The following SRPK2 variants were observed in gnomAD, a reference collection of about 807,000 sequenced individuals.
SRPK2 encodes SRSF protein kinase 2.
Under a neutral mutation model 90.8 loss-of-function variants are expected in SRPK2, and 21 were observed. The ratio of observed to expected loss-of-function variants is 0.23; its 90% confidence interval spans 0.16 to 0.33. The LOEUF (loss-of-function observed/expected upper bound fraction) is 0.33. Ranked by LOEUF, SRPK2 falls within the 10% of genes least tolerant of loss-of-function variation. The pLI is 1.00. For synonymous variants in SRPK2, 288 were observed against 311.1 expected (o/e 0.93, Z 0.78); for missense variants, 620 against 869.0 (o/e 0.71, Z 3.60).
chr7:105,203,052 G>A (rs1180070200), intron 3 of SRPK2, among the ~76,000 whole-genome samples: 3 of 152,200 alleles, frequency 2.0e-5, no homozygotes, highest in Non-Finnish European at 2.9e-5. Flanking sequence ...GCAGTAGCAC[G>A]ATCTCAGCTC....
chr7:105,114,757 C>A (rs1562941466), downstream of SRPK2, among the ~76,000 whole-genome samples: 1 of 152,086 alleles, frequency 6.6e-6, no homozygotes, highest in Non-Finnish European at 1.5e-5. Flanking sequence ...ACACTTTGAA[C>A]CTCTATTTAT....
At chr7:105,236,072 A>T (rs1362602980) in intron 2 of SRPK2, among the ~76,000 whole-genome samples, 1 of 152,226 alleles carries the variant, frequency 6.6e-6, no homozygotes, top group African/African-American at 2.4e-5. Context: ...TTGTTACAGT[A>T]CAGTTGCTGG....
chr7:105,250,013 A>C (rs1802261633), intron 2 of SRPK2, among the ~76,000 whole-genome samples: 2 of 152,174 alleles, frequency 1.3e-5, no homozygotes, highest in African/African-American at 2.4e-5. Flanking sequence ...CACTGAGCTA[A>C]GCGTTATTCT....
At chr7:105,365,606 T>C (rs1284157549) in intron 2 of SRPK2, among the ~76,000 whole-genome samples, 1 of 150,570 alleles carries the variant, frequency 6.6e-6, no homozygotes, top group Non-Finnish European at 1.5e-5. Context: ...AAGACGAGCC[T>C]GGGCAACACA....
chr7:105,159,448 C>CAAAAAAAAAAAAA (rs765544583), intron 7 of SRPK2, among the ~76,000 whole-genome samples: 640 of 33,116 alleles, frequency 0.019, 157 homozygotes, highest in Middle Eastern at 0.08. Flanking sequence ...ACTCCGTCTC[C>CAAAAAAAAAAAAA]AAAAAAAAAA....
intron 2 of SRPK2, among the ~76,000 whole-genome samples, chr7:105,294,201 A>T (rs1216536185): frequency 6.6e-6 from 1 of 152,246 alleles, no homozygotes; most frequent in Non-Finnish European, 1.5e-5. Context: ...GGGAAAAAGA[A>T]GTTCCGCAGT....
chr7:105,387,062 T>C (rs4730082), intron 2 of SRPK2, among the ~76,000 whole-genome samples: 43,357 of 152,090 alleles, frequency 0.29, 6,532 homozygotes, highest in Middle Eastern at 0.34. Flanking sequence ...AAGACACATA[T>C]TGACTTAATT....
intron 7 of SRPK2, among the ~76,000 whole-genome samples, chr7:105,153,778 G>A (rs917792150): frequency 1.3e-5 from 2 of 152,118 alleles, no homozygotes; most frequent in East Asian, 1.9e-4. Flanking sequence ...AGAAACCCAC[G>A]TGGGCAGCCA....
upstream of SRPK2, chr7:105,389,101 G>C (rs1179025373): frequency 1.1e-6 from 1 of 951,680 alleles, no homozygotes; most frequent in African/African-American, 1.8e-5. Flanking sequence ...CCATGGCCGC[G>C]CTGGCCCTCG....
intron 2 of SRPK2, among the ~76,000 whole-genome samples, chr7:105,294,190 T>C (rs1246916425): frequency 6.6e-6 from 1 of 152,232 alleles, no homozygotes; most frequent in Non-Finnish European, 1.5e-5. Flanking sequence ...TGAATGGAAC[T>C]GGGAAAAAGA....
At chr7:105,290,349 G>T (rs1808805684) in intron 2 of SRPK2, among the ~76,000 whole-genome samples, 1 of 151,806 alleles carries the variant, frequency 6.6e-6, no homozygotes, top group Admixed American at 6.6e-5. Flanking sequence ...TAAAAAATTA[G>T]CCAGGCATGG....
rs1026791722 is a variant in SRPK2 at position 105,255,206 on chromosome 7, T to C, written c.72-51421A>G. 3.5e-5 allele frequency among the ~76,000 whole-genome samples: 5 copies of C among 143,782 alleles called. No individual in the cohort carries two copies. In the South Asian group the frequency reaches 1.1e-3, roughly 33 times the overall value. 94.3% of individuals were successfully genotyped at this position (143,782 alleles called of 152,430 possible). On this transcript the variant is annotated intron_variant, in intron 2 of 15. Coordinates refer to ENST00000393651, the MANE Select transcript of SRPK2 (RefSeq NM_182692.3). Reference sequence around the variant, plus strand: ...TTTGGTTCTACCGGGGAAACTAATATTGTTTCTCCTTACAGATGAAAAGAG... The same window carrying C: ...TTTGGTTCTACCGGGGAAACTAATACTGTTTCTCCTTACAGATGAAAAGAG...
At chr7:105,281,446 A>C (rs929476978) in intron 2 of SRPK2, among the ~76,000 whole-genome samples, 3 of 152,084 alleles carry the variant, frequency 2.0e-5, no homozygotes, top group African/African-American at 7.2e-5. Context: ...CAACCTAATA[A>C]TTTCCATTTA....
rs187974458 is a variant in SRPK2 at position 105,309,620 on chromosome 7, A to G, written c.71+79028T>C. Among the ~76,000 whole-genome samples the G allele has an allele frequency of 2.9e-3, 447 of 152,368 alleles. 1 individual carries two copies. Among genetic ancestry groups the G allele is most frequent in the African/African-American group, 1.0e-2 (414 of 41,586 alleles). ...GCAAACCACCAAAAATACCTAGTGA[A>G]CAACTATCATGAAAGCATGCTGACC... On this transcript the variant is annotated intron_variant, in intron 2 of 15. Transcript: ENST00000393651.
intron 6 of SRPK2, among the ~76,000 whole-genome samples, chr7:105,166,048 C>G (rs936005611): frequency 6.6e-6 from 1 of 152,136 alleles, no homozygotes; most frequent in Non-Finnish European, 1.5e-5. Flanking sequence ...CAGAAGGAAA[C>G]GGACACATTA....
At chr7:105,121,537 T>C (rs1800384566) in intron 15 of SRPK2, among the ~76,000 whole-genome samples, 1 of 152,194 alleles carries the variant, frequency 6.6e-6, no homozygotes, top group Non-Finnish European at 1.5e-5. Flanking sequence ...TTCCTGTGAC[T>C]ATCAGCTGTC....
rs1227268483 is a variant in SRPK2 at position 105,126,001 on chromosome 7, C to G, written c.1915+247G>C. 3 of 650,408 alleles carry G rather than the reference C, an allele frequency of 4.6e-6. No homozygotes were observed. The East Asian group carries it at 8.8e-5, about 19-fold the overall frequency. The allele number at this position is 650,408 out of a possible 1,614,324, so 40.3% of individuals were successfully genotyped here. On this transcript the variant is annotated intron_variant, in intron 15 of 15. Coordinates refer to ENST00000393651, the MANE Select transcript of SRPK2 (RefSeq NM_182692.3). ...CAACTTGAATGACCAAAAGTACAGGCCTTCCTCGCGTTGCTGGATTCAGGA... is the reference window on the plus strand; with the variant it reads ...CAACTTGAATGACCAAAAGTACAGGGCTTCCTCGCGTTGCTGGATTCAGGA...
intron 3 of SRPK2, among the ~76,000 whole-genome samples, chr7:105,176,095 A>C (rs1791805640): frequency 6.6e-6 from 1 of 152,230 alleles, no homozygotes; most frequent in South Asian, 2.1e-4. Context: ...CAACAAATCA[A>C]ATCAAATAAT....
intron 2 of SRPK2, among the ~76,000 whole-genome samples, chr7:105,214,449 T>A (rs1017760843): frequency 6.6e-6 from 1 of 152,188 alleles, no homozygotes; most frequent in Non-Finnish European, 1.5e-5. Flanking sequence ...TTCTCTTTAG[T>A]AGAATTCACC....
Sources: gnomAD v4.1 joint callset for allele counts (sites outside exome capture counted in the v4.1 genomes callset) on GRCh38, gnomAD v4.1.1 for gene constraint, MANE v1.5 for transcripts, NCBI Gene and HGNC (gene_info 2026-07-23, HGNC 2026-07-21) for gene names.